Variants in RAB28 observed in about 807,000 individuals in gnomAD.
The protein encoded by RAB28 is ras-related protein Rab-28.
A neutral mutation model predicts 31.7 loss-of-function variants in RAB28; 24 were observed. The observed-to-expected ratio is 0.76, with a 90% CI of 0.55 to 1.06. The LOEUF (loss-of-function observed/expected upper bound fraction) is 1.06. Among genes scored for constraint, RAB28 ranks in the 50% least tolerant of loss-of-function variants. RAB28 has a pLI of 0.00. For missense variants in RAB28, 254 were observed against 258.5 expected (o/e 0.98, Z 0.12); for synonymous variants, 100 against 90.4 (o/e 1.11, Z -0.60).
chr4:13,392,282 T>C (rs1729672863), intron 4 of RAB28, among the ~76,000 whole-genome samples: 1 of 152,136 alleles, frequency 6.6e-6, no homozygotes, highest in East Asian at 1.9e-4. Flanking sequence ...GATTATGATA[T>C]TAAATAGTAA....
intron 3 of RAB28, among the ~76,000 whole-genome samples, chr4:13,472,276 T>C (rs890531209): frequency 2.6e-5 from 4 of 151,954 alleles, no homozygotes; most frequent in Admixed American, 6.6e-5. Context: ...GCCTCTCAGT[T>C]AGCTGAGATT....
chr4:13,446,568 G>A (rs1326591167), intron 4 of RAB28, among the ~76,000 whole-genome samples: 1 of 152,198 alleles, frequency 6.6e-6, no homozygotes, highest in Non-Finnish European at 1.5e-5. Context: ...GGGGTAGGTA[G>A]CACAGGACCT....
chr4:13,394,998 C>T (rs926192521), intron 4 of RAB28, among the ~76,000 whole-genome samples: 3 of 152,068 alleles, frequency 2.0e-5, no homozygotes, highest in African/African-American at 4.8e-5. Flanking sequence ...AATGACTTAA[C>T]GAAAGTCTCA....
intron 4 of RAB28, among the ~76,000 whole-genome samples, chr4:13,460,197 T>C (rs907086948): frequency 2.6e-5 from 4 of 152,204 alleles, no homozygotes; most frequent in African/African-American, 9.6e-5. Flanking sequence ...GCATAGACTA[T>C]GGCCTAAACC....
intron 4 of RAB28, among the ~76,000 whole-genome samples, chr4:13,429,914 C>T (rs7673755): frequency 0.056 from 8,519 of 152,156 alleles, 544 homozygotes; most frequent in African/African-American, 0.16. Flanking sequence ...TCTAATAAAT[C>T]TTAAAACTGA....
chr4:13,437,424 G>A (rs1714182897), intron 4 of RAB28, among the ~76,000 whole-genome samples: 1 of 152,020 alleles, frequency 6.6e-6, no homozygotes, highest in Non-Finnish European at 1.5e-5. Context: ...AGAGTAAGTA[G>A]GCAACCTACA....
chr4:13,377,297 C>A (rs958981207), intron 5 of RAB28, among the ~76,000 whole-genome samples: 2 of 152,192 alleles, frequency 1.3e-5, no homozygotes, highest in Non-Finnish European at 2.9e-5. Context: ...CTGACATTTA[C>A]TGTAGTATAA....
intron 1 of RAB28, among the ~76,000 whole-genome samples, chr4:13,482,264 G>C (rs1716637795): frequency 6.6e-6 from 1 of 151,842 alleles, no homozygotes. Flanking sequence ...GCAACAAAGA[G>C]GAAACATGTA....
chr4:13,371,080 C>T lies in RAB28; in HGVS notation c.574-2430G>A, dbSNP rs953409720. 42 of 984,450 alleles carry T rather than the reference C, an allele frequency of 4.3e-5. No homozygotes were observed. In the African/African-American group the frequency reaches 7.0e-4, roughly 16 times the overall value. 61.0% of individuals were successfully genotyped at this position (984,450 alleles called of 1,614,324 possible). ...TAGAAAAGCATCTTAATATGAGCTGCTGTGTGTGACTACATTTATAAATAA... is the reference window on the plus strand; with the variant it reads ...TAGAAAAGCATCTTAATATGAGCTGTTGTGTGTGACTACATTTATAAATAA... On this transcript the variant is annotated intron_variant, in intron 6 of 6. Coordinates refer to ENST00000330852, the MANE Select transcript of RAB28 (RefSeq NM_001017979.3).
intron 6 of RAB28, among the ~76,000 whole-genome samples, chr4:13,373,495 T>C (rs1037853791): frequency 1.3e-5 from 2 of 152,182 alleles, no homozygotes; most frequent in African/African-American, 4.8e-5. Flanking sequence ...TCCTTGAGGA[T>C]AGGGACTTTC....
At chr4:13,382,966 C>G (rs1260884246) in intron 4 of RAB28, among the ~76,000 whole-genome samples, 2 of 152,060 alleles carry the variant, frequency 1.3e-5, no homozygotes, top group Admixed American at 6.6e-5. Flanking sequence ...TCCCAAAGTG[C>G]TAGAATTACG....
intron 4 of RAB28, among the ~76,000 whole-genome samples, chr4:13,392,401 T>C (rs1445296737): frequency 6.6e-6 from 1 of 152,194 alleles, no homozygotes; most frequent in Admixed American, 6.5e-5. Flanking sequence ...ATTTTACCAA[T>C]CCAGAGATGA....
chr4:13,369,981 A>G lies in RAB28; in HGVS notation c.574-1331T>C, dbSNP rs778739181. The stretch of plus-strand genomic sequence containing the variant: ...TGACAATACGCTGTCAATTCCATAC[A>G]ACATAAATGAGACAAAGAAAAAAGA... On this transcript the variant is annotated intron_variant, in intron 6 of 6. Transcript: ENST00000330852. 124 of 1,596,298 alleles carry G rather than the reference A, an allele frequency of 7.8e-5. No individual in the cohort carries two copies. Among genetic ancestry groups the G allele is most frequent in the Non-Finnish European group, 9.9e-5 (116 of 1,175,312 alleles).
At chr4:13,422,188 A>C (rs1466771907) in intron 4 of RAB28, among the ~76,000 whole-genome samples, 2 of 152,254 alleles carry the variant, frequency 1.3e-5, no homozygotes, top group Non-Finnish European at 2.9e-5. Context: ...AATGCAAATC[A>C]AAACCACAAT....
At chr4:13,458,716 T>C (rs1715437920) in intron 4 of RAB28, among the ~76,000 whole-genome samples, 1 of 152,222 alleles carries the variant, frequency 6.6e-6, no homozygotes, top group Non-Finnish European at 1.5e-5. Context: ...TTACTGTACC[T>C]TTTCTATGCT....
intron 4 of RAB28, among the ~76,000 whole-genome samples, chr4:13,428,081 G>C (rs1276864454): frequency 3.9e-5 from 6 of 152,208 alleles, no homozygotes; most frequent in African/African-American, 1.2e-4. Flanking sequence ...GAACGGAACA[G>C]AACAGGGGTT....
chr4:13,415,341 C>T (rs537858567), intron 4 of RAB28, among the ~76,000 whole-genome samples: 157 of 152,312 alleles, frequency 1.0e-3, no homozygotes, highest in African/African-American at 3.5e-3. Flanking sequence ...TGTTGGAGCC[C>T]CTTCCTGGGC....
intron 4 of RAB28, among the ~76,000 whole-genome samples, chr4:13,383,029 G>A (rs1042714897): frequency 2.0e-5 from 3 of 151,190 alleles, no homozygotes; most frequent in Non-Finnish European, 3.0e-5. Flanking sequence ...TGTTTTTTTT[G>A]CTCTTCTGGC....
intron 1 of RAB28, among the ~76,000 whole-genome samples, chr4:13,479,957 A>T (rs1285186181): frequency 6.6e-6 from 1 of 151,802 alleles, no homozygotes; most frequent in Non-Finnish European, 1.5e-5. Context: ...AGAAGCATTC[A>T]TTAAGGAGGG....
Sources: gnomAD v4.1 joint callset for allele counts (sites outside exome capture counted in the v4.1 genomes callset) on GRCh38, gnomAD v4.1.1 for gene constraint, MANE v1.5 for transcripts, NCBI Gene and HGNC (gene_info 2026-07-23, HGNC 2026-07-21) for gene names.